Variants in RAB11FIP4 observed in about 807,000 individuals in gnomAD.
The protein encoded by RAB11FIP4 is rab11 family-interacting protein 4.
Under a neutral mutation model 74.3 loss-of-function variants are expected in RAB11FIP4, and 23 were observed. The ratio of observed to expected loss-of-function variants is 0.31; its 90% confidence interval spans 0.22 to 0.44. RAB11FIP4 has a LOEUF of 0.44. Ranked by LOEUF, RAB11FIP4 falls within the 20% of genes least tolerant of loss-of-function variation. RAB11FIP4 has a pLI of 1.00. For synonymous variants in RAB11FIP4, 360 were observed against 359.9 expected, an observed-to-expected ratio of 1.00 and a Z score of 0.00; for missense variants, 630 against 863.9, an observed-to-expected ratio of 0.73 and a Z score of 3.39.
At chr17:31,462,306 C>T (rs987011700) in intron 3 of RAB11FIP4, among the ~76,000 whole-genome samples, 4 of 151,882 alleles carry the variant, frequency 2.6e-5, no homozygotes, top group Non-Finnish European at 5.9e-5. Flanking sequence ...GGCCTAGGTT[C>T]TACCTCCAAA....
At chr17:31,488,548 C>G (rs1042120650) in intron 3 of RAB11FIP4, 12 of 207,524 alleles carry the variant, frequency 5.8e-5, no homozygotes, top group Non-Finnish European at 1.1e-4. Context: ...GGCCCCACCT[C>G]CGGCCGCAGC....
At chr17:31,413,994 G>T (rs1053596919) in intron 1 of RAB11FIP4, among the ~76,000 whole-genome samples, 45 of 152,214 alleles carry the variant, frequency 3.0e-4, no homozygotes, top group Admixed American at 3.3e-4. Context: ...CAGCGTCCAG[G>T]CATGCTCTGC....
chr17:31,505,434 T>A (rs377596385), intron 3 of RAB11FIP4, among the ~76,000 whole-genome samples: 7 of 61,730 alleles, frequency 1.1e-4, no homozygotes, highest in East Asian at 4.5e-4. Flanking sequence ...AATATATAAT[T>A]ATTATATAAT....
At chr17:31,457,921 A>G (rs945785243) in intron 3 of RAB11FIP4, among the ~76,000 whole-genome samples, 11 of 151,890 alleles carry the variant, frequency 7.2e-5, no homozygotes, top group African/African-American at 2.4e-4. Flanking sequence ...TGAAGTCTGC[A>G]TTCTCAACAC....
At chr17:31,517,954 A>G in intron 4 of RAB11FIP4, 77 bp downstream of exon 4, 2 of 1,203,894 alleles carry the variant, frequency 1.7e-6, no homozygotes, top group Non-Finnish European at 2.4e-6. Context: ...GTCTCCAGGA[A>G]GTAAATTTGA....
chr17:31,485,363 T>A (rs1294731923), intron 3 of RAB11FIP4, among the ~76,000 whole-genome samples: 1 of 152,180 alleles, frequency 6.6e-6, no homozygotes, highest in Non-Finnish European at 1.5e-5. Context: ...CATAGAGCTC[T>A]TGAGAAATGT....
At chr17:31,408,005 T>C (rs1459522668) in intron 1 of RAB11FIP4, among the ~76,000 whole-genome samples, 1 of 151,744 alleles carries the variant, frequency 6.6e-6, no homozygotes, top group Admixed American at 6.6e-5. Context: ...CATTGTTCTG[T>C]TAAAAAAAAA....
chr17:31,520,051 C>T (rs987353455), intron 4 of RAB11FIP4, among the ~76,000 whole-genome samples: 4 of 141,512 alleles, frequency 2.8e-5, no homozygotes, highest in Non-Finnish European at 6.0e-5. Context: ...GCAGAGGTTG[C>T]ACCAATGCAC....
chr17:31,511,055 C>A (rs1222070903), intron 3 of RAB11FIP4, among the ~76,000 whole-genome samples: 1 of 152,038 alleles, frequency 6.6e-6, no homozygotes, highest in Non-Finnish European at 1.5e-5. Context: ...GTTTTCTGAG[C>A]ACTTTCTGTG....
In RAB11FIP4 at chr17:31,524,014, G is replaced by A. The variant is rs201382238; in HGVS notation, c.1133+18G>A. 37 of 1,582,982 alleles carry A rather than the reference G, an allele frequency of 2.3e-5. No homozygotes were observed. Among genetic ancestry groups the A allele is most frequent in the Middle Eastern group, 1.7e-4 (1 of 5,754 alleles). On this transcript the variant is annotated intron_variant, in intron 9 of 14. Coordinates refer to ENST00000621161, the MANE Select transcript of RAB11FIP4 (RefSeq NM_032932.6). ...GTGCACAGGTCAAGCAGGCAGCGGCGCTGGGGGCTCGGCCGTGACGCTGGG... is the reference window on the plus strand; with the variant it reads ...GTGCACAGGTCAAGCAGGCAGCGGCACTGGGGGCTCGGCCGTGACGCTGGG...
intron 3 of RAB11FIP4, among the ~76,000 whole-genome samples, chr17:31,516,821 G>A (rs902921686): frequency 3.3e-5 from 5 of 152,168 alleles, no homozygotes; most frequent in African/African-American, 1.2e-4. Flanking sequence ...CAAGCATAGG[G>A]GATCAAGAAC....
At position 31,528,401 on chromosome 17, in the gene RAB11FIP4, T is replaced by C. The variant is rs1381633405; in HGVS notation, c.1357-5T>C. The stretch of plus-strand genomic sequence containing the variant: ...TCCTCCCCTGATCGGGTCTCCCTGC[T>C]CCAGGAGCGGCAGCGCATGTCTGAC... On this transcript the variant is annotated splice_polypyrimidine_tract_variant and splice_region_variant and intron_variant, in intron 11 of 14. Coordinates refer to ENST00000621161, the MANE Select transcript of RAB11FIP4 (RefSeq NM_032932.6). 6.2e-7 allele frequency: 1 copy of C among 1,611,848 alleles called. No homozygotes were observed. The highest frequency in any genetic ancestry group is 8.5e-7 in the Non-Finnish European group (1 of 1,179,720).
At chr17:31,402,588 TTTTA>T (rs796669265) in intron 1 of RAB11FIP4, among the ~76,000 whole-genome samples, 4 of 127,712 alleles carry the variant, frequency 3.1e-5, no homozygotes, top group Admixed American at 7.9e-5. Context: ...GCTCAGATTA[TTTTA>T]TTTATTTTTA....
intron 13 of RAB11FIP4, among the ~76,000 whole-genome samples, chr17:31,529,847 G>A (rs2072835599): frequency 6.6e-6 from 1 of 152,192 alleles, no homozygotes; most frequent in Non-Finnish European, 1.5e-5. Flanking sequence ...GGGCTCTTTA[G>A]GCAAAAGCTG....
At chr17:31,409,468 C>T (rs1053841960) in intron 1 of RAB11FIP4, among the ~76,000 whole-genome samples, 20 of 152,122 alleles carry the variant, frequency 1.3e-4, no homozygotes, top group African/African-American at 4.3e-4. Flanking sequence ...CCATCCTCAG[C>T]GGCAGTCCAC....
At chr17:31,445,553 TATATATATATATATATATATATA>T (rs2071447305) in intron 3 of RAB11FIP4, among the ~76,000 whole-genome samples, 6 of 12,030 alleles carry the variant, frequency 5.0e-4, no homozygotes, top group African/African-American at 1.6e-3. Context: ...TATATATATA[TATATATATATATATATATATATA>T]TATTTTTTTT....
At chr17:31,509,685 C>T (rs1435617172) in intron 3 of RAB11FIP4, among the ~76,000 whole-genome samples, 1 of 152,168 alleles carries the variant, frequency 6.6e-6, no homozygotes, top group Non-Finnish European at 1.5e-5. Flanking sequence ...GCGGGAAGCT[C>T]TGGGCTGCAG....
intron 1 of RAB11FIP4, among the ~76,000 whole-genome samples, chr17:31,402,768 C>CTTA (rs1880468710): frequency 1.3e-5 from 2 of 151,396 alleles, no homozygotes; most frequent in Admixed American, 1.3e-4. Context: ...ACTACAGGCG[C>CTTA]CCACCATCAC....
intron 1 of RAB11FIP4, among the ~76,000 whole-genome samples, chr17:31,403,384 G>A (rs192289931): frequency 3.2e-4 from 49 of 151,456 alleles, no homozygotes; most frequent in South Asian, 1.5e-3. Flanking sequence ...GTGCAGTGGC[G>A]CAATCTCGGC....
Sources: allele counts gnomAD v4.1 joint callset (sites outside exome capture counted in the v4.1 genomes callset), GRCh38; gene constraint gnomAD v4.1.1; transcripts MANE v1.5; gene names NCBI Gene and HGNC (gene_info 2026-07-23, HGNC 2026-07-21).